The following DPP4 variants were observed in gnomAD, a reference collection of about 807,000 sequenced individuals.
The protein encoded by DPP4 is dipeptidyl peptidase 4.
Under a neutral mutation model 122.4 loss-of-function variants are expected in DPP4, and 93 were observed. The ratio of observed to expected loss-of-function variants is 0.76; its 90% CI spans 0.64 to 0.90. The LOEUF is 0.90. DPP4 is among the 40% of genes least tolerant of loss of function. DPP4 has a pLI of 0.00. For synonymous variants in DPP4, 321 were observed against 302.9 expected, an observed-to-expected ratio of 1.06 and a Z score of -0.62; for missense variants, 914 against 907.3, an observed-to-expected ratio of 1.01 and a Z score of -0.09.
chr2:162,027,026 A>C (rs1478262703), intron 10 of DPP4, among the ~76,000 whole-genome samples: 15 of 152,172 alleles, frequency 9.9e-5, no homozygotes. Context: ...TATTCCACTG[A>C]AAAGCTAAAA....
intron 2 of DPP4, among the ~76,000 whole-genome samples, chr2:162,049,946 A>AT (rs201110596): frequency 1.0e-3 from 153 of 151,474 alleles, no homozygotes; most frequent in African/African-American, 2.6e-3. Flanking sequence ...AAACTAAAGT[A>AT]TTTTTTTTTG....
chr2:162,064,472 C>T (rs1034292018), intron 2 of DPP4, among the ~76,000 whole-genome samples: 4 of 152,072 alleles, frequency 2.6e-5, no homozygotes, highest in Admixed American at 1.3e-4. Flanking sequence ...TTGTTATTTA[C>T]TATTTTATTT....
At chr2:162,026,838 G>A (rs1305027019) in intron 10 of DPP4, among the ~76,000 whole-genome samples, 1 of 152,108 alleles carries the variant, frequency 6.6e-6, no homozygotes, top group Non-Finnish European at 1.5e-5. Context: ...AAGCACAACA[G>A]AAAAATGAAG....
At chr2:162,073,553 G>C in intron 1 of DPP4, 67 bp from the exon 2 acceptor site, 1 of 1,517,574 alleles carries the variant, frequency 6.6e-7, no homozygotes, top group Non-Finnish European at 9.1e-7. Context: ...TAGGAGGGTC[G>C]GGGCTGCTCC....
chr2:162,038,478 C>T (rs1456307102), intron 7 of DPP4, 56 bp from the exon 8 acceptor site: 28 of 1,527,576 alleles, frequency 1.8e-5, no homozygotes, highest in Middle Eastern at 1.8e-4. Flanking sequence ...ATTTTTATCC[C>T]GGAATTGTAG....
chr2:161,998,308 G>A (rs2909445), intron 23 of DPP4, among the ~76,000 whole-genome samples: 27,455 of 152,122 alleles, frequency 0.18, 2,575 homozygotes, highest in Middle Eastern at 0.27. Context: ...TGCCTGAATC[G>A]CAGGCTGAGG....
chr2:162,061,922 A>G (rs1684788131), intron 2 of DPP4, among the ~76,000 whole-genome samples: 1 of 152,174 alleles, frequency 6.6e-6, no homozygotes, highest in Non-Finnish European at 1.5e-5. Flanking sequence ...TTCACAATGG[A>G]AAGCCAATGA....
chr2:162,010,250 A>G (rs939486452), intron 20 of DPP4, among the ~76,000 whole-genome samples: 1 of 152,202 alleles, frequency 6.6e-6, no homozygotes, highest in African/African-American at 2.4e-5. Flanking sequence ...TACAAAGTGA[A>G]TGTATCCTTG....
intron 5 of DPP4, among the ~76,000 whole-genome samples, chr2:162,041,162 G>A (rs1359630243): frequency 6.6e-6 from 1 of 151,994 alleles, no homozygotes; most frequent in Non-Finnish European, 1.5e-5. Flanking sequence ...AAATAAGACC[G>A]AAGATAAAAA....
intron 2 of DPP4, among the ~76,000 whole-genome samples, chr2:162,064,275 C>T (rs1559727230): frequency 6.6e-6 from 1 of 152,122 alleles, no homozygotes; most frequent in Non-Finnish European, 1.5e-5. Flanking sequence ...GGTCCACTGG[C>T]TGCTGGGTTC....
chr2:162,053,236 T>G (rs1355719741), intron 2 of DPP4, among the ~76,000 whole-genome samples: 1 of 152,212 alleles, frequency 6.6e-6, no homozygotes. Context: ...GGAAGCCAGA[T>G]GCTATTCATC....
Position 162,013,296 on chromosome 2 carries a change from C to CT in DPP4, c.1637+1099dup, listed in dbSNP as rs1410804173. 2.0e-5 allele frequency among the ~76,000 whole-genome samples: 3 copies of CT among 152,124 alleles called. No individual in the cohort carries two copies. In the East Asian group the frequency reaches 5.8e-4, roughly 29 times the overall value. On this transcript the variant is annotated intron_variant, in intron 19 of 25. Coordinates refer to ENST00000360534, the MANE Select transcript of DPP4 (RefSeq NM_001935.4). The stretch of plus-strand genomic sequence containing the variant: ...GATAAAAATATCACTCAAAAGGATG[C>CT]TTTTTTAGCATTGGAGCCGAAGCCT...
At chr2:162,042,299 G>C (rs551091616) in intron 5 of DPP4, among the ~76,000 whole-genome samples, 3 of 152,164 alleles carry the variant, frequency 2.0e-5, no homozygotes, top group Non-Finnish European at 4.4e-5. Flanking sequence ...ACATAGAATC[G>C]ATGACACAAC....
chr2:162,003,078 A>G (rs887082447), intron 23 of DPP4, among the ~76,000 whole-genome samples: 1 of 152,130 alleles, frequency 6.6e-6, no homozygotes, highest in African/African-American at 2.4e-5. Flanking sequence ...TAATGTGTCC[A>G]TTGCCAGCAA....
intron 2 of DPP4, among the ~76,000 whole-genome samples, chr2:162,050,235 C>T (rs573730827): frequency 7.2e-5 from 11 of 152,258 alleles, no homozygotes; most frequent in South Asian, 6.2e-4. Flanking sequence ...AGGAGTTATA[C>T]TCTGTTATCA....
At chr2:162,069,274 A>G (rs1371841539) in intron 2 of DPP4, among the ~76,000 whole-genome samples, 2 of 152,202 alleles carry the variant, frequency 1.3e-5, no homozygotes, top group African/African-American at 4.8e-5. Context: ...AGCACTTAGT[A>G]AATGCATATT....
chr2:162,035,652 C>G (rs1392304157), intron 8 of DPP4, among the ~76,000 whole-genome samples: 1 of 152,120 alleles, frequency 6.6e-6, no homozygotes, highest in Non-Finnish European at 1.5e-5. Context: ...AAATTTCACA[C>G]AGGAGGCTGA....
At chr2:162,039,653 T>C (rs537415231) in intron 5 of DPP4, among the ~76,000 whole-genome samples, 33 of 152,254 alleles carry the variant, frequency 2.2e-4, no homozygotes, top group African/African-American at 6.3e-4. Context: ...CCTGGCAAGA[T>C]ATATTAAAAT....
chr2:162,070,124 T>C (rs1429584703), intron 2 of DPP4, among the ~76,000 whole-genome samples: 1 of 152,210 alleles, frequency 6.6e-6, no homozygotes, highest in African/African-American at 2.4e-5. Context: ...TCACTGATTC[T>C]TGGGGAAACT....
Sources: gnomAD v4.1 joint callset for allele counts (sites outside exome capture counted in the v4.1 genomes callset) on GRCh38, gnomAD v4.1.1 for gene constraint, MANE v1.5 for transcripts, NCBI Gene and HGNC (gene_info 2026-07-23, HGNC 2026-07-21) for gene names.